The following EXOSC5 variants were observed in gnomAD, a reference collection of about 807,000 sequenced individuals.
EXOSC5 encodes exosome component 5.
EXOSC5 carries 15 observed loss-of-function variants against 23.7 expected under a neutral mutation model. The observed-to-expected ratio is 0.63, with a 90% CI of 0.42 to 0.97. The LOEUF is 0.97. EXOSC5 is among the 50% of genes least tolerant of loss of function. The pLI, the probability that EXOSC5 is intolerant of heterozygous loss-of-function variation, is 0.00. For synonymous variants in EXOSC5, 143 were observed against 140.9 expected (o/e 1.02, Z -0.11); for missense variants, 305 against 316.3 (o/e 0.96, Z 0.27).
At chr19:41,395,526 T>C (rs372400249) in intron 1 of EXOSC5, among the ~76,000 whole-genome samples, 7 of 152,310 alleles carry the variant, frequency 4.6e-5, no homozygotes, top group South Asian at 2.1e-4. Flanking sequence ...CACCACTCCA[T>C]TGCGGCAGCT....
intron 2 of EXOSC5, 49 bp from the exon 3 acceptor site, chr19:41,392,011 C>G (rs751893848): frequency 1.9e-6 from 3 of 1,558,594 alleles, no homozygotes; most frequent in Non-Finnish European, 1.7e-6. Context: ...ATTTGACTCA[C>G]CTTCCTCCAT....
intron 1 of EXOSC5, among the ~76,000 whole-genome samples, chr19:41,393,484 C>T (rs997013005): frequency 2.6e-5 from 4 of 151,650 alleles, no homozygotes; most frequent in Admixed American, 6.6e-5. Flanking sequence ...AGGCGGGTTT[C>T]GAACTCCTGG....
Position 41,397,169 on chromosome 19 carries a change from TGAAGTTCTTACCTTGCAGGAAGGAA to T in EXOSC5, c.135_148+11del. Reference sequence around the variant, plus strand: ...TCCCTCTCCAAAAGAAAGACCTGGGTGAAGTTCTTACCTTGCAGGAAGGAAGCAGAGCCATCTGGCCGCGACAGCA... The same window carrying T: ...TCCCTCTCCAAAAGAAAGACCTGGGTGCAGAGCCATCTGGCCGCGACAGCA... On this transcript the variant is annotated splice_donor_variant and splice_donor_5th_base_variant and coding_sequence_variant and intron_variant, in exon 1 of 6. Transcript: ENST00000221233. LOFTEE classifies it high-confidence loss of function. The T allele has an allele frequency of 6.2e-7, 1 of 1,612,438 alleles. No individual in the cohort carries two copies. Among genetic ancestry groups the T allele is most frequent in the Non-Finnish European group, 8.5e-7 (1 of 1,178,758 alleles).
intron 1 of EXOSC5, 22 bp downstream of exon 1, chr19:41,397,159 A>C (rs373674393): frequency 6.2e-6 from 10 of 1,611,222 alleles, no homozygotes; most frequent in Non-Finnish European, 8.5e-6. Flanking sequence ...CTCCAAAAGA[A>C]AGACCTGGGT....
intron 3 of EXOSC5, 173 bp downstream of exon 3, chr19:41,391,668 G>T: frequency 1.3e-6 from 1 of 783,966 alleles, no homozygotes; most frequent in Non-Finnish European, 1.9e-6. Flanking sequence ...AAGGCACACA[G>T]AACAGTGCCT....
At chr19:41,387,132 A>G (rs773908975) in intron 5 of EXOSC5, among the ~76,000 whole-genome samples, 1 of 152,136 alleles carries the variant, frequency 6.6e-6, no homozygotes, top group Non-Finnish European at 1.5e-5. Flanking sequence ...CTTCACTGCC[A>G]TGTATTCCTA....
At chr19:41,389,400 G>C (rs1427058595) in intron 4 of EXOSC5, among the ~76,000 whole-genome samples, 2 of 152,188 alleles carry the variant, frequency 1.3e-5, no homozygotes, top group Non-Finnish European at 2.9e-5. Context: ...TGAGTAGCTG[G>C]GATTACAGGC....
At chr19:41,387,688 T>C (rs2038994461) in intron 4 of EXOSC5, 85 bp from the exon 5 acceptor site, 18 of 971,392 alleles carry the variant, frequency 1.9e-5, no homozygotes, top group Non-Finnish European at 2.6e-5. Context: ...CCAGGCACAG[T>C]GGCTCATGAC....
chr19:41,386,773 C>T, intron 5 of EXOSC5, 48 bp from the exon 6 acceptor site: 1 of 1,520,122 alleles, frequency 6.6e-7, no homozygotes, highest in Non-Finnish European at 8.8e-7. Flanking sequence ...CCTTCATGCA[C>T]ACACGACTTG....
chr19:41,392,756 G>C, intron 2 of EXOSC5, 111 bp downstream of exon 2: 1 of 797,638 alleles, frequency 1.3e-6, no homozygotes, highest in Non-Finnish European at 2.1e-6. Context: ...AGAAACAGCT[G>C]AGTGGAGACC....
Position 41,387,532 on chromosome 19 carries a change from C to T in EXOSC5, c.597G>A (p.Gly199=). Residue 199 remains glycine, a synonymous_variant, in exon 5 of 6, where the codon GGG becomes GGA. Transcript: ENST00000221233. The stretch of plus-strand genomic sequence containing the variant: ...CTGGTACCTCAGTGTCTGAGTAGAG[C>T]CCCTTGGTGCTGGACATCAGCAGCT... The part of the protein sequence containing the change: ...ERKLLMSSTK[G]LYSDTELQQC... 1.9e-6 allele frequency: 3 copies of T among 1,603,442 alleles called. No homozygotes were observed. The highest frequency in any genetic ancestry group is 2.6e-6 in the Non-Finnish European group (3 of 1,175,700).
rs759499806 is a variant in EXOSC5 at position 41,391,934 on chromosome 19, C to T, written c.291G>A (p.Leu97=). The change falls in exon 3 of 6, where the codon CTG becomes CTA. Residue 97 remains leucine, a synonymous_variant. Transcript: ENST00000221233. ...PGVAEKSRER[L]IRNTCEAVVL... ...CCACCGCCTCGCACGTGTTCCTGAT[C>T]AGCCGCTCCCGGCTCTTCTCTGCAA... 3.8e-6 allele frequency: 6 copies of T among 1,581,232 alleles called. No individual in the cohort carries two copies. The South Asian group carries it at 5.8e-5, about 15-fold the overall frequency.
chr19:41,391,581 C>G, intron 3 of EXOSC5: 1 of 412,932 alleles, frequency 2.4e-6, no homozygotes. Flanking sequence ...ACTAGACGGT[C>G]TGGGTCTAAG....
chr19:41,393,046 T>G (rs2039035981), intron 1 of EXOSC5, 66 bp from the exon 2 acceptor site: 22 of 1,394,694 alleles, frequency 1.6e-5, no homozygotes, highest in Non-Finnish European at 2.0e-5. Context: ...TTTGTGGCAC[T>G]GAGCCTGACG....
chr19:41,387,516 C>A lies in EXOSC5; in HGVS notation c.613G>T (p.Glu205Ter). Residue 205 changes from glutamate (E) to a stop codon, truncating the protein, a stop_gained and splice_region_variant, in exon 5 of 6, where the codon GAG becomes TAG. Transcript: ENST00000221233. LOFTEE classifies it high-confidence loss of function. ...TCCCCTCATCCCCATGCTGGTACCT[C>A]AGTGTCTGAGTAGAGCCCCTTGGTG... is the stretch of plus-strand genomic sequence containing the variant. ...SSTKGLYSDT[E>*]LQQCLAAAQA... is the part of the protein sequence containing the mutation. The A allele has an allele frequency of 6.3e-7, 1 of 1,596,692 alleles. No individual in the cohort carries two copies. The highest frequency in any genetic ancestry group is 8.5e-7 in the Non-Finnish European group (1 of 1,172,428).
intron 2 of EXOSC5, among the ~76,000 whole-genome samples, chr19:41,392,657 G>A (rs2039031982): frequency 6.6e-6 from 1 of 151,946 alleles, no homozygotes; most frequent in African/African-American, 2.4e-5. Context: ...TGGAGGCAGA[G>A]AGAGGGAGAA....
At chr19:41,389,176 C>T (rs1477705759) in intron 4 of EXOSC5, among the ~76,000 whole-genome samples, 2 of 152,146 alleles carry the variant, frequency 1.3e-5, no homozygotes, top group African/African-American at 4.8e-5. Context: ...CAACTCCCAG[C>T]CTCAGGTGAT....
At chr19:41,397,053 A>G (rs2039074086) in intron 1 of EXOSC5, 128 bp downstream of exon 1, 4 of 1,090,368 alleles carry the variant, frequency 3.7e-6, no homozygotes, top group Non-Finnish European at 2.6e-6. Context: ...GTAGTATTCA[A>G]TCGGACAAGA....
chr19:41,387,571 G>A lies in EXOSC5; in HGVS notation c.558C>T (p.Asp186=), dbSNP rs199966819. The A allele has an allele frequency of 1.2e-5, 19 of 1,606,430 alleles. No homozygotes were observed. The highest frequency in any genetic ancestry group is 2.7e-5 in the African/African-American group (2 of 74,916). ...EARAVLTFAL[D]SVERKLLMSS... ...ACATCAGCAGCTTCCGTTCCACGCT[G>A]TCCAGGGCAAAGGTCAGGACTGCCC... The change falls in exon 5 of 6, where the codon GAC becomes GAT. Residue 186 remains aspartate (D), a synonymous_variant. Coordinates refer to ENST00000221233, the MANE Select transcript of EXOSC5 (RefSeq NM_020158.4).
Sources: allele counts gnomAD v4.1 joint callset (sites outside exome capture counted in the v4.1 genomes callset), GRCh38; gene constraint gnomAD v4.1.1; transcripts MANE v1.5; gene names NCBI Gene and HGNC (gene_info 2026-07-23, HGNC 2026-07-21).